DNAJB12: variants seen among roughly 807,000 people sequenced by gnomAD.
DNAJB12 encodes dnaJ homolog subfamily B member 12.
A neutral mutation model predicts 40.6 loss-of-function variants in DNAJB12; 14 were observed. That is an observed-to-expected ratio of 0.34 (90% CI 0.23 to 0.54). The LOEUF (loss-of-function observed/expected upper bound fraction) is 0.54, where lower values mean the gene tolerates loss of function less well. DNAJB12 is among the 20% of genes least tolerant of loss of function. The pLI, the probability that DNAJB12 is intolerant of heterozygous loss-of-function variation, is 0.92. For missense variants in DNAJB12, 444 were observed against 501.7 expected (o/e 0.89, Z 1.10); for synonymous variants, 181 against 199.5 (o/e 0.91, Z 0.78).
Position 72,344,978 on chromosome 10 carries a change from T to C in DNAJB12, c.283A>G (p.Thr95Ala), listed in dbSNP as rs749872715. The part of the protein sequence containing the change: ...EAGGESTKGY[T>A]AEQVAAVKRV... ...TTCACAGCTGCAACCTGTTCTGCAG[T>C]GTAGCCTTTGGTGCTCTCTCCTCCA... is the stretch of plus-strand genomic sequence containing the variant. Residue 95 changes from threonine (T) to alanine (A), a missense_variant, in exon 2 of 9, where the codon ACT becomes GCT. Transcript: ENST00000444643. The C allele has an allele frequency of 1.9e-6, 3 of 1,614,232 alleles. No homozygotes were observed. Among genetic ancestry groups the C allele is most frequent in the South Asian group, 2.2e-5 (2 of 91,080 alleles).
At chr10:72,337,773 C>A (rs1374552121) in intron 6 of DNAJB12, among the ~76,000 whole-genome samples, 1 of 152,078 alleles carries the variant, frequency 6.6e-6, no homozygotes, top group Non-Finnish European at 1.5e-5. Flanking sequence ...CCAACCAGAG[C>A]CGAGGAGCAG....
intron 1 of DNAJB12, among the ~76,000 whole-genome samples, chr10:72,345,638 T>C (rs1311308869): frequency 1.3e-5 from 2 of 149,800 alleles, no homozygotes; most frequent in East Asian, 3.9e-4. Flanking sequence ...TTTGGGAGGC[T>C]GAGGCGGGCG....
Position 72,334,579 on chromosome 10 carries a change from C to T in DNAJB12, c.*69G>A, listed in dbSNP as rs1367978115. Reference sequence around the variant, plus strand: ...AAATATACAGTCCATCACCTTGGCTCAGTGCATGTCACCAAAAATTCTCCA... The same window carrying T: ...AAATATACAGTCCATCACCTTGGCTTAGTGCATGTCACCAAAAATTCTCCA... On this transcript the variant is annotated 3_prime_UTR_variant, in exon 9 of 9. Coordinates refer to ENST00000444643, the MANE Select transcript of DNAJB12 (RefSeq NM_017626.7). 1.3e-6 allele frequency: 2 copies of T among 1,533,990 alleles called. No individual in the cohort carries two copies. Among genetic ancestry groups the T allele is most frequent in the Admixed American group, 4.0e-5 (2 of 50,120 alleles).
intron 8 of DNAJB12, chr10:72,334,972 G>C: frequency 6.2e-6 from 7 of 1,126,552 alleles, no homozygotes; most frequent in Non-Finnish European, 7.6e-6. Context: ...CCCATTCGCC[G>C]GGCTGCAGAA....
chr10:72,338,181 C>T (rs776366493), intron 6 of DNAJB12, 21 bp downstream of exon 6: 57 of 1,604,944 alleles, frequency 3.6e-5, no homozygotes, highest in Non-Finnish European at 3.2e-5. Flanking sequence ...GCCCATGGCC[C>T]GGCCTCACCC....
Position 72,333,432 on chromosome 10 carries a change from G to A in DNAJB12, c.*1216C>T, listed in dbSNP as rs898352626. On this transcript the variant is annotated 3_prime_UTR_variant, in exon 9 of 9. Coordinates refer to ENST00000444643, the MANE Select transcript of DNAJB12 (RefSeq NM_017626.7). ...CAGGTGTATCCTTTGTCCAAGGTAC[G>A]AGAGGAGGCCTGGCGGTCACATCAA... 4 of 152,496 alleles carry A rather than the reference G, an allele frequency of 2.6e-5. No individual in the cohort carries two copies. Among genetic ancestry groups the A allele is most frequent in the East Asian group, 1.9e-4 (1 of 5,204 alleles). The allele number at this position is 152,496 out of a possible 1,614,324, so 9.4% of individuals were successfully genotyped here.
At chr10:72,344,060 T>C (rs1861715770) in intron 2 of DNAJB12, among the ~76,000 whole-genome samples, 2 of 152,082 alleles carry the variant, frequency 1.3e-5, no homozygotes, top group South Asian at 4.1e-4. Flanking sequence ...CAGCCCAATC[T>C]GAGTCTTGAG....
chr10:72,349,680 G>A (rs1861886580), intron 1 of DNAJB12, among the ~76,000 whole-genome samples: 1 of 152,162 alleles, frequency 6.6e-6, no homozygotes, highest in Admixed American at 6.6e-5. Flanking sequence ...CACTAGCCAG[G>A]AGATGGGACA....
At chr10:72,339,541 T>TA (rs373937984) in intron 5 of DNAJB12, among the ~76,000 whole-genome samples, 361 of 139,364 alleles carry the variant, frequency 2.6e-3, no homozygotes, top group African/African-American at 4.1e-3. Flanking sequence ...CTCAAAAAAT[T>TA]AAAAAAAAAA....
At chr10:72,349,595 T>C (rs1861884223) in intron 1 of DNAJB12, among the ~76,000 whole-genome samples, 1 of 152,236 alleles carries the variant, frequency 6.6e-6, no homozygotes, top group African/African-American at 2.4e-5. Context: ...CTGGAAGTTC[T>C]GGTGGCCCAG....
chr10:72,334,940 G>A (rs777307672), intron 8 of DNAJB12: 69 of 1,201,350 alleles, frequency 5.7e-5, no homozygotes, highest in Non-Finnish European at 6.9e-5. Flanking sequence ...TCTGGCAAAC[G>A]CTGGGAACAG....
intron 5 of DNAJB12, 97 bp from the exon 6 acceptor site, chr10:72,338,408 A>G (rs1861537596): frequency 1.0e-6 from 1 of 968,172 alleles, no homozygotes; most frequent in Non-Finnish European, 1.6e-6. Context: ...GAGCCTGGGG[A>G]GACATGACAC....
At chr10:72,352,520 T>C (rs951548383) in intron 1 of DNAJB12, among the ~76,000 whole-genome samples, 3 of 152,176 alleles carry the variant, frequency 2.0e-5, no homozygotes, top group Admixed American at 2.0e-4. Context: ...ACTAAACTGC[T>C]GATAATTTAA....
intron 7 of DNAJB12, 115 bp from the exon 8 acceptor site, chr10:72,336,046 A>T (rs1378606581): frequency 3.0e-6 from 4 of 1,348,032 alleles, no homozygotes; most frequent in Non-Finnish European, 4.1e-6. Flanking sequence ...GGGCTTGGGC[A>T]GGGCTGGCCT....
At position 72,352,315 on chromosome 10, in the gene DNAJB12, G is replaced by C. The variant is rs183603072; in HGVS notation, c.133+2450C>G. Among the ~76,000 whole-genome samples, 453 of 152,176 alleles carry C rather than the reference G, an allele frequency of 3.0e-3. 2 individuals carry two copies. The highest frequency in any genetic ancestry group is 0.01 in the African/African-American group (429 of 41,524). ...CTGTATACGAATTACCACCTCCACT[G>C]CCTCTAAATCTTGCTACACTTTGAT... On this transcript the variant is annotated intron_variant, in intron 1 of 8. Coordinates refer to ENST00000444643, the MANE Select transcript of DNAJB12 (RefSeq NM_017626.7).
At position 72,333,465 on chromosome 10, in the gene DNAJB12, T is replaced by G. The variant is rs892897970; in HGVS notation, c.*1183A>C. ...GCCTGGCGGTCACATCAACAGCGAG[T>G]GAAGACAGAGGCAGCCACGGGCACT... On this transcript the variant is annotated 3_prime_UTR_variant, in exon 9 of 9. Transcript: ENST00000444643. 1 of 152,500 alleles carries G rather than the reference T, an allele frequency of 6.6e-6. No individual in the cohort carries two copies. Among genetic ancestry groups the G allele is most frequent in the Non-Finnish European group, 1.5e-5 (1 of 68,036 alleles). 9.4% of individuals were successfully genotyped at this position (152,500 alleles called of 1,614,324 possible). A position where few individuals can be genotyped will look rare whatever the true frequency, so the allele number is the denominator to read the frequency against.
chr10:72,347,393 G>A (rs976554929), intron 1 of DNAJB12, among the ~76,000 whole-genome samples: 1 of 152,200 alleles, frequency 6.6e-6, no homozygotes, highest in Non-Finnish European at 1.5e-5. Flanking sequence ...GGATCAGTCA[G>A]GAAGCCTTCC....
Position 72,336,666 on chromosome 10 carries a change from A to C in DNAJB12, c.864T>G (p.Thr288=), listed in dbSNP as rs775259023. The change falls in exon 7 of 9, where the codon ACT becomes ACG. Residue 288 remains threonine (T), a synonymous_variant. Transcript: ENST00000444643. ...PSVGHIHRRV[T]DHLGVVYYVG... ...CATAGTAGACGACACCCAGGTGGTC[A>C]GTGACTCGCCTGTGGATGTGGCCCA... 4.3e-6 allele frequency: 7 copies of C among 1,614,118 alleles called. No individual in the cohort carries two copies. The highest frequency in any genetic ancestry group is 4.2e-6 in the Non-Finnish European group (5 of 1,179,974).
intron 1 of DNAJB12, among the ~76,000 whole-genome samples, 181 bp from the exon 2 acceptor site, chr10:72,345,308 G>A (rs1158853639): frequency 6.6e-6 from 1 of 152,192 alleles, no homozygotes; most frequent in Non-Finnish European, 1.5e-5. Context: ...GTCCTTAAGA[G>A]TAGGCAGGAC....
Sources: allele counts gnomAD v4.1 joint callset (sites outside exome capture counted in the v4.1 genomes callset), GRCh38; gene constraint gnomAD v4.1.1; transcripts MANE v1.5; gene names NCBI Gene and HGNC (gene_info 2026-07-23, HGNC 2026-07-21).